The following DSG1 variants were observed in gnomAD, a reference collection of about 807,000 sequenced individuals.
The protein encoded by DSG1 is desmoglein-1.
A neutral mutation model predicts 97.5 loss-of-function variants in DSG1; 39 were observed. The observed-to-expected ratio is 0.40, with a 90% CI of 0.31 to 0.52. The LOEUF is 0.52. Ranked by LOEUF, DSG1 falls within the 20% of genes least tolerant of loss-of-function variation. The pLI, the probability that DSG1 is intolerant of heterozygous loss-of-function variation, is 0.53. For synonymous variants in DSG1, 475 were observed against 443.4 expected, an observed-to-expected ratio of 1.07 and a Z score of -0.90; for missense variants, 1,311 against 1,295.4, an observed-to-expected ratio of 1.01 and a Z score of -0.18.
At chr18:31,333,824 TACA>T (rs2071735364) in intron 7 of DSG1, 101 bp downstream of exon 7, 2 of 1,429,092 alleles carry the variant, frequency 1.4e-6, no homozygotes, top group Non-Finnish European at 2.0e-6. Flanking sequence ...TTTATTGACA[TACA>T]ACCCAAATGT....
chr18:31,347,624 A>G (rs2071851430), intron 14 of DSG1: 1 of 152,220 alleles, frequency 6.6e-6, no homozygotes. Context: ...ACAATCCACT[A>G]TTACGAACAA....
At chr18:31,324,069 C>T (rs1405291847) in intron 1 of DSG1, among the ~76,000 whole-genome samples, 3 of 148,390 alleles carry the variant, frequency 2.0e-5, no homozygotes, top group Non-Finnish European at 4.5e-5. Context: ...CTGCAACCTC[C>T]GCCTCCTGGG....
chr18:31,323,562 T>G (rs10438909), intron 1 of DSG1, among the ~76,000 whole-genome samples: 3 of 152,014 alleles, frequency 2.0e-5, no homozygotes, highest in African/African-American at 7.2e-5. Context: ...ATCTTCCTGC[T>G]GAACATCTCT....
chr18:31,331,602 A>C, intron 5 of DSG1, 99 bp from the exon 6 acceptor site: 1 of 1,055,536 alleles, frequency 9.5e-7, no homozygotes, highest in Non-Finnish European at 1.4e-6. Flanking sequence ...CCACATCATA[A>C]GGATCAACTA....
chr18:31,349,652 G>T (rs1345871289), intron 14 of DSG1, among the ~76,000 whole-genome samples: 4 of 90,112 alleles, frequency 4.4e-5, no homozygotes, highest in Non-Finnish European at 8.2e-5. Flanking sequence ...TTGAGCAGTG[G>T]TTTGTAGTTC....
intron 1 of DSG1, among the ~76,000 whole-genome samples, chr18:31,326,005 A>G (rs895756650): frequency 6.6e-6 from 1 of 152,060 alleles, no homozygotes; most frequent in African/African-American, 2.4e-5. Flanking sequence ...TAACAATCAT[A>G]ATTATTAATA....
chr18:31,342,322 T>G (rs1011169068), intron 11 of DSG1, among the ~76,000 whole-genome samples: 2 of 152,162 alleles, frequency 1.3e-5, no homozygotes, highest in African/African-American at 4.8e-5. Context: ...CATCACTACC[T>G]GTAGACCCAA....
intron 1 of DSG1, among the ~76,000 whole-genome samples, chr18:31,325,140 A>G (rs561100644): frequency 6.6e-6 from 1 of 152,120 alleles, no homozygotes; most frequent in Non-Finnish European, 1.5e-5. Flanking sequence ...ACACCAACCC[A>G]CCACATTTTT....
Position 31,331,671 on chromosome 18 carries a change from C to T in DSG1, c.518-30C>T, listed in dbSNP as rs749271310. 4 of 1,604,458 alleles carry T rather than the reference C, an allele frequency of 2.5e-6. No individual in the cohort carries two copies. In the Admixed American group the frequency reaches 5.0e-5, roughly 20 times the overall value. On this transcript the variant is annotated intron_variant, in intron 5 of 14. Transcript: ENST00000257192. ...TACTGTAACAAAAATGTAAATCACC[C>T]ATTTGCAATCAATTTTCCTTAATTT...
chr18:31,352,034 C>T (rs1292126600), intron 14 of DSG1, among the ~76,000 whole-genome samples: 3 of 151,296 alleles, frequency 2.0e-5, no homozygotes, highest in Admixed American at 1.3e-4. Flanking sequence ...GGTTATTTTG[C>T]TCGTTAGTTG....
chr18:31,351,898 A>G (rs1377257259), intron 14 of DSG1, among the ~76,000 whole-genome samples: 1 of 151,536 alleles, frequency 6.6e-6, no homozygotes, highest in Non-Finnish European at 1.5e-5. Flanking sequence ...AATACAGCAC[A>G]CTGATGGGTC....
At chr18:31,318,475 T>C (rs775735460) in intron 1 of DSG1, 127 bp downstream of exon 1, 3 of 806,022 alleles carry the variant, frequency 3.7e-6, no homozygotes, top group Non-Finnish European at 6.5e-6. Context: ...AATGACAAGA[T>C]GATTTTATGA....
intron 1 of DSG1, among the ~76,000 whole-genome samples, chr18:31,322,251 C>T (rs929719310): frequency 6.6e-6 from 1 of 152,228 alleles, no homozygotes; most frequent in African/African-American, 2.4e-5. Context: ...TGCACCAGTG[C>T]AAGATTGCTC....
At chr18:31,339,647 C>G in intron 10 of DSG1, 97 bp from the exon 11 acceptor site, 1 of 942,374 alleles carries the variant, frequency 1.1e-6, no homozygotes, top group Non-Finnish European at 1.6e-6. Context: ...AATAAAGACA[C>G]TGAAATAAAT....
chr18:31,342,916 T>TTTTG (rs2071799108), intron 11 of DSG1, among the ~76,000 whole-genome samples: 1 of 150,866 alleles, frequency 6.6e-6, no homozygotes, highest in Non-Finnish European at 1.5e-5. Flanking sequence ...TTTTTTTTTT[T>TTTTG]TGAGAGAGGG....
At position 31,354,937 on chromosome 18, in the gene DSG1, C is replaced by G. The variant is rs1300516031; in HGVS notation, c.2741C>G (p.Pro914Arg). 1 of 1,614,170 alleles carries G rather than the reference C, an allele frequency of 6.2e-7. No individual in the cohort carries two copies. Among genetic ancestry groups the G allele is most frequent in the East Asian group, 2.2e-5 (1 of 44,884 alleles). ...CCCACCTCTCTGACTATCCATCATC[C>G]TAGAGAGTCTTCAAATGTGGTAGTG... Reference protein sequence around the residue: ...SLPTSLTIHHPRESSNVVVTE... With the variant: ...SLPTSLTIHHRRESSNVVVTE... Residue 914 changes from proline to arginine, a missense_variant, in exon 15 of 15, where the codon CCT becomes CGT. By Grantham distance (103) the Pro-to-Arg change is moderately radical. Coordinates refer to ENST00000257192, the MANE Select transcript of DSG1 (RefSeq NM_001942.4).
intron 1 of DSG1, among the ~76,000 whole-genome samples, chr18:31,325,413 C>T (rs2071679827): frequency 6.6e-6 from 1 of 152,160 alleles, no homozygotes; most frequent in Admixed American, 6.5e-5. Flanking sequence ...CTTTCAAACA[C>T]ACAAATAAGG....
intron 10 of DSG1, 102 bp from the exon 11 acceptor site, chr18:31,339,642 A>G: frequency 1.1e-6 from 1 of 880,136 alleles, no homozygotes; most frequent in Non-Finnish European, 1.7e-6. Context: ...ATGGGAATAA[A>G]GACACTGAAA....
intron 8 of DSG1, among the ~76,000 whole-genome samples, chr18:31,334,665 T>C (rs1010322767): frequency 6.6e-6 from 1 of 152,168 alleles, no homozygotes; most frequent in African/African-American, 2.4e-5. Context: ...AAATTTAAGT[T>C]AAATTACTAT....
Sources: allele counts gnomAD v4.1 joint callset (sites outside exome capture counted in the v4.1 genomes callset), GRCh38; gene constraint gnomAD v4.1.1; transcripts MANE v1.5; gene names NCBI Gene and HGNC (gene_info 2026-07-23, HGNC 2026-07-21).